The following WWOX variants were observed in gnomAD, a reference collection of about 807,000 sequenced individuals.
WWOX encodes the protein WW domain-containing oxidoreductase.
Under a neutral mutation model 46.2 loss-of-function variants are expected in WWOX, and 69 were observed. That is an observed-to-expected ratio of 1.49 (90% CI 1.23 to 1.82). WWOX has a LOEUF of 1.82. Among genes scored for constraint, WWOX ranks in the 40% most tolerant of loss-of-function variants. The pLI, the probability that WWOX is intolerant of heterozygous loss-of-function variation, is 0.00. For synonymous variants in WWOX, 359 were observed against 202.6 expected (o/e 1.77, Z -6.56); for missense variants, 919 against 542.6 (o/e 1.69, Z -6.89).
intron 8 of WWOX, among the ~76,000 whole-genome samples, chr16:79,024,062 G>A (rs149530709): frequency 1.1e-4 from 16 of 152,338 alleles, no homozygotes; most frequent in African/African-American, 3.8e-4. Context: ...CACCTCCAAA[G>A]AGACAGAAAG....
At chr16:78,583,550 C>T (rs1242883534) in intron 8 of WWOX, among the ~76,000 whole-genome samples, 1 of 152,144 alleles carries the variant, frequency 6.6e-6, no homozygotes, top group Non-Finnish European at 1.5e-5. Flanking sequence ...ATGCACTTGG[C>T]AGCAATTCCT....
At chr16:78,923,822 C>T (rs57420771) in intron 8 of WWOX, among the ~76,000 whole-genome samples, 15,524 of 96,226 alleles carry the variant, frequency 0.16, 1,096 homozygotes, top group African/African-American at 0.24. Flanking sequence ...TTTTTTCAGA[C>T]GGAGTCTTGC....
At chr16:78,870,345 A>G (rs955065911) in intron 8 of WWOX, among the ~76,000 whole-genome samples, 5 of 152,132 alleles carry the variant, frequency 3.3e-5, no homozygotes, top group African/African-American at 1.2e-4. Context: ...TTCAAACTTT[A>G]GAATCACAAG....
intron 5 of WWOX, among the ~76,000 whole-genome samples, chr16:78,316,995 T>C (rs1180523258): frequency 6.6e-6 from 1 of 152,178 alleles, no homozygotes; most frequent in Non-Finnish European, 1.5e-5. Flanking sequence ...AGTGCAAAGA[T>C]GAAGGAAAGT....
At chr16:79,125,947 A>G (rs1263130582) in intron 8 of WWOX, among the ~76,000 whole-genome samples, 1 of 152,218 alleles carries the variant, frequency 6.6e-6, no homozygotes, top group East Asian at 1.9e-4. Context: ...TGAGTGCAGG[A>G]ATCCGGCTGG....
At position 78,863,455 on chromosome 16, in the gene WWOX, G is replaced by T. The variant is rs150308980; in HGVS notation, c.1057-348153G>T. Among the ~76,000 whole-genome samples, 34 of 152,322 alleles carry T rather than the reference G, an allele frequency of 2.2e-4. 1 individual carries two copies. In the East Asian group the frequency reaches 6.6e-3, roughly 29 times the overall value. ...ATTATATTCCATTTGTACCTGGGAA[G>T]AGGGTACTTGTCTTTCATCAGAGAG... On this transcript the variant is annotated intron_variant, in intron 8 of 8. Transcript: ENST00000566780.
intron 8 of WWOX, among the ~76,000 whole-genome samples, chr16:78,628,037 C>G (rs931305390): frequency 1.1e-4 from 16 of 152,110 alleles, no homozygotes; most frequent in African/African-American, 3.6e-4. Context: ...CTGTGTTTAA[C>G]CCAAGGAAAG....
At chr16:78,795,467 A>G (rs182470716) in intron 8 of WWOX, among the ~76,000 whole-genome samples, 72 of 151,206 alleles carry the variant, frequency 4.8e-4, no homozygotes, top group African/African-American at 1.7e-3. Flanking sequence ...TTCAACCTCC[A>G]TCTAGATGGA....
intron 8 of WWOX, among the ~76,000 whole-genome samples, chr16:78,541,234 G>A (rs1326320377): frequency 6.6e-6 from 1 of 151,680 alleles, no homozygotes; most frequent in Non-Finnish European, 1.5e-5. Flanking sequence ...CAGCACTCTG[G>A]GAGGCCGAGG....
intron 8 of WWOX, among the ~76,000 whole-genome samples, chr16:79,055,183 C>G (rs1054228527): frequency 1.3e-5 from 2 of 152,154 alleles, no homozygotes; most frequent in Admixed American, 6.6e-5. Flanking sequence ...ATAAAGCAAA[C>G]AGTAACAGTG....
chr16:78,464,348 AAGGAGGAAG>A lies in WWOX; in HGVS notation c.1056+31599_1056+31607del, dbSNP rs930528737. ...AAGGGAGGAAGGAAAGAAGAGAGAG[AAGGAGGAAG>A]AGAGGGAAGGAGGCACAGAGGTAGA... On this transcript the variant is annotated intron_variant, in intron 8 of 8. Coordinates refer to ENST00000566780, the MANE Select transcript of WWOX (RefSeq NM_016373.4). 2.7e-3 allele frequency among the ~76,000 whole-genome samples: 395 copies of A among 146,944 alleles called. 4 individuals carry two copies. The highest frequency in any genetic ancestry group is 0.01 in the African/African-American group (384 of 36,934).
intron 8 of WWOX, among the ~76,000 whole-genome samples, chr16:78,458,220 C>G (rs776204968): frequency 6.7e-6 from 1 of 148,970 alleles, no homozygotes; most frequent in East Asian, 2.0e-4. Context: ...CTGCCCACTT[C>G]TATTCCCTGC....
chr16:78,959,542 T>A (rs1337435908), intron 8 of WWOX, among the ~76,000 whole-genome samples: 1 of 152,218 alleles, frequency 6.6e-6, no homozygotes. Context: ...CATCCATTCA[T>A]CTGTCCATTC....
intron 8 of WWOX, among the ~76,000 whole-genome samples, chr16:78,547,303 G>C (rs1194515623): frequency 6.6e-6 from 1 of 152,020 alleles, no homozygotes; most frequent in Non-Finnish European, 1.5e-5. Context: ...AATTCTACTA[G>C]AGGGGGCACT....
intron 8 of WWOX, among the ~76,000 whole-genome samples, chr16:78,683,859 A>C (rs766008559): frequency 5.9e-5 from 9 of 152,180 alleles, no homozygotes; most frequent in Non-Finnish European, 1.2e-4. Flanking sequence ...GTCTTTGGTC[A>C]CAAGGAACAG....
At chr16:79,096,323 G>A (rs560613120) in intron 8 of WWOX, among the ~76,000 whole-genome samples, 2 of 152,208 alleles carry the variant, frequency 1.3e-5, no homozygotes, top group East Asian at 3.9e-4. Flanking sequence ...TACTCGGAGT[G>A]CAAGCCATGC....
chr16:79,149,677 T>G (rs2150729927), intron 8 of WWOX, among the ~76,000 whole-genome samples: 2 of 152,356 alleles, frequency 1.3e-5, no homozygotes, highest in South Asian at 4.1e-4. Context: ...CTGCTTATAT[T>G]TTCATCTGTA....
intron 8 of WWOX, among the ~76,000 whole-genome samples, chr16:78,814,261 G>A (rs568193726): frequency 6.6e-6 from 1 of 152,204 alleles, no homozygotes; most frequent in South Asian, 2.1e-4. Context: ...CATCTTTCTG[G>A]AATTTTTATT....
intron 8 of WWOX, among the ~76,000 whole-genome samples, chr16:79,095,848 T>TTCTC (rs1295307264): frequency 1.4e-5 from 2 of 146,234 alleles, no homozygotes; most frequent in Admixed American, 1.4e-4. Flanking sequence ...CACTGCTCAA[T>TTCTC]TCTCTCTCTC....
Sources: allele counts gnomAD v4.1 joint callset (sites outside exome capture counted in the v4.1 genomes callset), GRCh38; gene constraint gnomAD v4.1.1; transcripts MANE v1.5; gene names NCBI Gene and HGNC (gene_info 2026-07-23, HGNC 2026-07-21).